LAYN: variants seen among roughly 807,000 people sequenced by gnomAD.
LAYN encodes layilin.
LAYN carries 38 observed loss-of-function variants against 43.6 expected under a neutral mutation model. That is an observed-to-expected ratio of 0.87 (90% confidence interval 0.67 to 1.14). LAYN has a LOEUF of 1.14. LAYN is among the 50% of genes most tolerant of loss of function. LAYN has a pLI of 0.00. For missense variants in LAYN, 479 were observed against 463.8 expected (o/e 1.03, Z -0.30); for synonymous variants, 168 against 172.9 (o/e 0.97, Z 0.22).
chr11:111,544,318 C>A, intron 2 of LAYN, 98 bp downstream of exon 2: 1 of 1,194,868 alleles, frequency 8.4e-7, no homozygotes, highest in South Asian at 1.6e-5. Context: ...AAGAGAAGAC[C>A]AACCAGGCAG....
Position 111,549,806 on chromosome 11 carries a change from G to C in LAYN, c.541+31G>C. The C allele has an allele frequency of 2.5e-6, 4 of 1,575,300 alleles. No homozygotes were observed. In the South Asian group the frequency reaches 4.8e-5, roughly 19 times the overall value. On this transcript the variant is annotated intron_variant, in intron 3 of 6. Transcript: ENST00000375614. ...GAATCCTCTCCCAAGCTATGCGGCT[G>C]AATTCTCAACTTCTCTCATTTCATG... is the stretch of plus-strand genomic sequence containing the variant.
chr11:111,550,458 G>C (rs1390809226), intron 3 of LAYN, among the ~76,000 whole-genome samples: 1 of 152,162 alleles, frequency 6.6e-6, no homozygotes, highest in Non-Finnish European at 1.5e-5. Flanking sequence ...TGCCCTTGAA[G>C]TTTCTCACTT....
Position 111,560,677 on chromosome 11 carries a change from T to G in LAYN, c.*219T>G. The stretch of plus-strand genomic sequence containing the variant: ...AGCTCGACCTTATGAGAAGGTACCT[T>G]GCCCAGGTCTGGCACATAGTAGAGT... On this transcript the variant is annotated 3_prime_UTR_variant, in exon 7 of 7. Coordinates refer to ENST00000375614, the MANE Select transcript of LAYN (RefSeq NM_178834.5). 2 of 533,244 alleles carry G rather than the reference T, an allele frequency of 3.8e-6. No homozygotes were observed. Among genetic ancestry groups the G allele is most frequent in the Non-Finnish European group, 6.7e-6 (2 of 300,260 alleles). 33.0% of individuals were successfully genotyped at this position (533,244 alleles called of 1,614,324 possible).
At chr11:111,550,936 C>A (rs1485364235) in intron 3 of LAYN, among the ~76,000 whole-genome samples, 1 of 152,144 alleles carries the variant, frequency 6.6e-6, no homozygotes, top group East Asian at 1.9e-4. Flanking sequence ...TAGAAAAAAT[C>A]ATATTCTTCA....
chr11:111,558,107 C>T (rs902968462), intron 6 of LAYN, among the ~76,000 whole-genome samples: 3 of 152,168 alleles, frequency 2.0e-5, no homozygotes, highest in Non-Finnish European at 4.4e-5. Context: ...ACTGACTTTT[C>T]TTTTAATTCA....
At chr11:111,541,712 G>A in intron 1 of LAYN, 1 of 806,232 alleles carries the variant, frequency 1.2e-6, no homozygotes, top group South Asian at 1.4e-5. Context: ...AGGAGACTGG[G>A]AACCTCCTCT....
intron 1 of LAYN, 114 bp downstream of exon 1, chr11:111,541,042 C>T: frequency 1.1e-6 from 1 of 938,220 alleles, no homozygotes; most frequent in South Asian, 1.6e-5. Flanking sequence ...GTCCCATGCC[C>T]CACTCCCAGA....
At chr11:111,546,677 G>A (rs1310506219) in intron 2 of LAYN, among the ~76,000 whole-genome samples, 3 of 152,222 alleles carry the variant, frequency 2.0e-5, no homozygotes, top group African/African-American at 4.8e-5. Flanking sequence ...GGTCCTGGAT[G>A]TACCTCTTCC....
rs1867834848 is a variant in LAYN, at chr11:111,556,077, T to A, written c.658+787T>A. Reference sequence around the variant, plus strand: ...CAGGCCACCTGCATTTCTGACCAATTGGCTACAAATCCAGGAGTGCCCATG... The same window carrying A: ...CAGGCCACCTGCATTTCTGACCAATAGGCTACAAATCCAGGAGTGCCCATG... On this transcript the variant is annotated intron_variant, in intron 5 of 6. Transcript: ENST00000375614. Among the ~76,000 whole-genome samples the A allele has an allele frequency of 2.0e-5, 3 of 152,156 alleles. No homozygotes were observed. In the South Asian group the frequency reaches 6.2e-4, roughly 32 times the overall value.
rs911905325 is a variant in LAYN, at chr11:111,541,163, C to T, written c.85+235C>T. Among the ~76,000 whole-genome samples the T allele has an allele frequency of 3.3e-5, 5 of 152,244 alleles. 1 individual carries two copies. In the South Asian group the frequency reaches 8.3e-4, roughly 25 times the overall value. Reference sequence around the variant, plus strand: ...TGCGCGTCCTGGAACGCTCGAAGCCCGTTCCCAGTCCAGAGTTATGGGGGT... The same window carrying T: ...TGCGCGTCCTGGAACGCTCGAAGCCTGTTCCCAGTCCAGAGTTATGGGGGT... On this transcript the variant is annotated intron_variant, in intron 1 of 6. Transcript: ENST00000375614.
intron 2 of LAYN, 40 bp from the exon 3 acceptor site, chr11:111,549,578 C>A (rs1389319708): frequency 9.5e-6 from 14 of 1,473,424 alleles, no homozygotes; most frequent in Non-Finnish European, 9.9e-6. Flanking sequence ...CTCAGGGGAT[C>A]CTTCTCCAGT....
intron 3 of LAYN, among the ~76,000 whole-genome samples, chr11:111,550,179 T>C (rs903624390): frequency 6.6e-6 from 1 of 152,190 alleles, no homozygotes; most frequent in African/African-American, 2.4e-5. Flanking sequence ...AGTGAGATTA[T>C]TTTCTGGGGT....
At position 111,549,738 on chromosome 11, in the gene LAYN, C is replaced by T. The variant is rs1297418738; in HGVS notation, c.504C>T (p.Cys168=). 3.1e-6 allele frequency: 5 copies of T among 1,605,212 alleles called. No homozygotes were observed. The highest frequency in any genetic ancestry group is 2.3e-5 in the East Asian group (1 of 44,198). Residue 168 remains cysteine, a synonymous_variant, in exon 3 of 7, where the codon TGC becomes TGT. Coordinates refer to ENST00000375614, the MANE Select transcript of LAYN (RefSeq NM_178834.5). ...TGTTCCAGTGGAATGATGACCGGTG[C>T]AACATGAAGAACAATTTCATTTGCA... ...PYMFQWNDDR[C]NMKNNFICKY... is the part of the protein sequence containing the mutation.
At chr11:111,559,590 C>G (rs924662525) in intron 6 of LAYN, among the ~76,000 whole-genome samples, 4 of 152,018 alleles carry the variant, frequency 2.6e-5, no homozygotes, top group Non-Finnish European at 5.9e-5. Flanking sequence ...TCCCAACTAG[C>G]TGGGACTGCA....
At chr11:111,558,355 A>C (rs560074163) in intron 6 of LAYN, among the ~76,000 whole-genome samples, 1 of 152,308 alleles carries the variant, frequency 6.6e-6, no homozygotes, top group African/African-American at 2.4e-5. Context: ...TTTAAAGACC[A>C]ATTTGAGATG....
intron 3 of LAYN, among the ~76,000 whole-genome samples, chr11:111,552,649 T>C (rs1867764190): frequency 6.6e-6 from 1 of 152,216 alleles, no homozygotes; most frequent in Non-Finnish European, 1.5e-5. Flanking sequence ...ATGGAAATGC[T>C]GCAATGATGT....
chr11:111,545,493 A>G (rs961956543), intron 2 of LAYN, among the ~76,000 whole-genome samples: 1 of 151,968 alleles, frequency 6.6e-6, no homozygotes, highest in Admixed American at 6.6e-5. Flanking sequence ...CAAATAGATA[A>G]CTCCTTGCCC....
rs35836917 is a variant in LAYN, at chr11:111,545,076, T to TATA, written c.383+856_383+857insATA. Among the ~76,000 whole-genome samples the TATA allele has an allele frequency of 9.5e-3, 1,383 of 145,714 alleles. 13 individuals are homozygous for TATA. Among genetic ancestry groups the TATA allele is most frequent in the Middle Eastern group, 0.018 (5 of 284 alleles). On this transcript the variant is annotated intron_variant, in intron 2 of 6. Coordinates refer to ENST00000375614, the MANE Select transcript of LAYN (RefSeq NM_178834.5). ...AACAAATATATATATATATATATAT[T>TATA]TTTTACCTATTACATTTAAGGCAGC... is the stretch of plus-strand genomic sequence containing the variant.
intron 1 of LAYN, 105 bp from the exon 2 acceptor site, chr11:111,543,818 A>G: frequency 9.2e-7 from 1 of 1,084,470 alleles, no homozygotes; most frequent in Non-Finnish European, 1.3e-6. Flanking sequence ...CTGATGTGTA[A>G]CCAAAATTCC....
Sources: allele counts gnomAD v4.1 joint callset (sites outside exome capture counted in the v4.1 genomes callset), GRCh38; gene constraint gnomAD v4.1.1; transcripts MANE v1.5; gene names NCBI Gene and HGNC (gene_info 2026-07-23, HGNC 2026-07-21).